The following SPHKAP variants were observed in gnomAD, a reference collection of about 807,000 sequenced individuals.
SPHKAP encodes A-kinase anchor protein SPHKAP.
A neutral mutation model predicts 137.5 loss-of-function variants in SPHKAP; 67 were observed. That is an observed-to-expected ratio of 0.49 (90% CI 0.40 to 0.60). The LOEUF (loss-of-function observed/expected upper bound fraction) is 0.60. Among genes scored for constraint, SPHKAP ranks in the 20% least tolerant of loss-of-function variants. The pLI is 0.00. For missense variants in SPHKAP, 2,097 were observed against 2,069.3 expected (o/e 1.01, Z -0.26); for synonymous variants, 813 against 785.3 (o/e 1.04, Z -0.59).
Position 228,019,500 on chromosome 2 carries a change from C to T in SPHKAP, c.1354G>A (p.Val452Ile), listed in dbSNP as rs200812632. The change falls in exon 7 of 12, where the codon GTT becomes ATT. Residue 452 changes from valine (V) to isoleucine (I), a missense_variant. Transcript: ENST00000392056. The part of the protein sequence containing the change: ...RSWNELPKIV[V>I]VQSPDGSDAA... ...TCACTGCCATCTGGACTCTGAACAACGACGATTTTGGGGAGCTCATTCCAT... is the reference window on the plus strand; with the variant it reads ...TCACTGCCATCTGGACTCTGAACAATGACGATTTTGGGGAGCTCATTCCAT... 9.7e-5 allele frequency: 156 copies of T among 1,614,134 alleles called. 1 individual carries two copies. The highest frequency in any genetic ancestry group is 8.9e-4 in the South Asian group (81 of 91,084).
At chr2:228,113,982 G>C (rs1379391236) in intron 2 of SPHKAP, among the ~76,000 whole-genome samples, 1 of 152,080 alleles carries the variant, frequency 6.6e-6, no homozygotes, top group Non-Finnish European at 1.5e-5. Flanking sequence ...AAATCATTAG[G>C]AAAAGAAGAA....
chr2:228,093,859 C>CAAAAAAAAAAAAAAAAAAAAAAA (rs11336381), intron 3 of SPHKAP, among the ~76,000 whole-genome samples: 1 of 77,110 alleles, frequency 1.3e-5, no homozygotes, highest in Non-Finnish European at 2.3e-5. Context: ...GACTCCGTTT[C>CAAAAAAAAAAAAAAAAAAAAAAA]AAAAAAAAAA....
At chr2:227,986,582 GT>G (rs1693220433) in intron 11 of SPHKAP, among the ~76,000 whole-genome samples, 1 of 152,092 alleles carries the variant, frequency 6.6e-6, no homozygotes, top group Admixed American at 6.6e-5. Flanking sequence ...AAAAAAATTT[GT>G]TAAAGTCAAT....
intron 1 of SPHKAP, among the ~76,000 whole-genome samples, chr2:228,153,943 C>T (rs1267615453): frequency 2.0e-5 from 3 of 152,000 alleles, no homozygotes; most frequent in Non-Finnish European, 4.4e-5. Context: ...ACAGAACTGG[C>T]CTATTGCCTG....
Position 227,981,798 on chromosome 2 carries a change from T to G in SPHKAP, c.5022A>C (p.Ala1674=). 1.9e-6 allele frequency: 3 copies of G among 1,613,886 alleles called. No homozygotes were observed. The highest frequency in any genetic ancestry group is 2.5e-6 in the Non-Finnish European group (3 of 1,179,834). Reference sequence around the variant, plus strand: ...CATGCATTTTGCAGTACTGGACAACTGCATGGAAGATATCACCCACTTTCC... The same window carrying G: ...CATGCATTTTGCAGTACTGGACAACGGCATGGAAGATATCACCCACTTTCC... The part of the protein sequence containing the change: ...KSWKVGDIFH[A]VVQYCKMHEE... Residue 1674 remains alanine (A), a synonymous_variant, in exon 12 of 12, where the codon GCA becomes GCC. Coordinates refer to ENST00000392056, the MANE Select transcript of SPHKAP (RefSeq NM_001142644.2).
intron 5 of SPHKAP, among the ~76,000 whole-genome samples, chr2:228,023,838 A>G (rs1006737420): frequency 2.2e-4 from 34 of 152,188 alleles, no homozygotes; most frequent in African/African-American, 8.0e-4. Context: ...AGCCTGGCCA[A>G]TCTGAATAAT....
At chr2:228,030,472 G>A (rs572152131) in intron 3 of SPHKAP, among the ~76,000 whole-genome samples, 41 of 122,194 alleles carry the variant, frequency 3.4e-4, no homozygotes, top group African/African-American at 1.1e-3. Context: ...CCAAGATAAC[G>A]CCACTGCACT....
chr2:228,025,932 C>A (rs557246936), intron 4 of SPHKAP: 1 of 903,380 alleles, frequency 1.1e-6, no homozygotes, highest in East Asian at 1.2e-4. Flanking sequence ...CAAATCTCAT[C>A]TTGTAGCTGC....
chr2:228,140,334 T>G (rs914663356), intron 1 of SPHKAP, among the ~76,000 whole-genome samples: 4 of 152,110 alleles, frequency 2.6e-5, no homozygotes, highest in Admixed American at 2.6e-4. Context: ...CGCATTCTGC[T>G]AAATCTAGAC....
At chr2:228,079,410 C>T (rs902266483) in intron 3 of SPHKAP, among the ~76,000 whole-genome samples, 9 of 152,140 alleles carry the variant, frequency 5.9e-5, no homozygotes, top group South Asian at 2.1e-4. Context: ...ACTAGGCTGG[C>T]GCCTATGGCC....
intron 3 of SPHKAP, among the ~76,000 whole-genome samples, chr2:228,030,508 C>A (rs1574772530): frequency 4.0e-5 from 3 of 75,528 alleles, no homozygotes; most frequent in Non-Finnish European, 2.5e-5. Context: ...AGCAAGATAC[C>A]ATCTCAAAAA....
At chr2:227,998,847 G>T (rs1008439174) in intron 7 of SPHKAP, among the ~76,000 whole-genome samples, 5 of 152,132 alleles carry the variant, frequency 3.3e-5, no homozygotes, top group Non-Finnish European at 5.9e-5. Flanking sequence ...ACATGGGTAT[G>T]CATATATTTC....
chr2:228,069,774 C>G (rs1696949546), intron 3 of SPHKAP, among the ~76,000 whole-genome samples: 1 of 152,080 alleles, frequency 6.6e-6, no homozygotes, highest in South Asian at 2.1e-4. Context: ...AAAATAGGAG[C>G]CACAAGAAGC....
Position 228,038,368 on chromosome 2 carries a change from A to AT in SPHKAP, c.247-10826dup, listed in dbSNP as rs565877450. 4.2e-3 allele frequency among the ~76,000 whole-genome samples: 634 copies of AT among 150,712 alleles called. 4 individuals carry two copies. The highest frequency in any genetic ancestry group is 0.027 in the Middle Eastern group (8 of 292). ...AGTGGGAAGCTGAAATAAAGTTTTTATTTTTTTTTGCAGGGGCAGTTAGGG... is the reference window on the plus strand; with the variant it reads ...AGTGGGAAGCTGAAATAAAGTTTTTATTTTTTTTTTGCAGGGGCAGTTAGGG... On this transcript the variant is annotated intron_variant, in intron 3 of 11. Transcript: ENST00000392056.
At chr2:228,090,350 G>A (rs1285274180) in intron 3 of SPHKAP, among the ~76,000 whole-genome samples, 2 of 152,192 alleles carry the variant, frequency 1.3e-5, no homozygotes, top group East Asian at 3.8e-4. Flanking sequence ...CCCAATGTCT[G>A]TACCTCCATT....
intron 7 of SPHKAP, among the ~76,000 whole-genome samples, chr2:228,007,463 C>G (rs1157055569): frequency 5.3e-5 from 8 of 152,050 alleles, no homozygotes; most frequent in African/African-American, 1.9e-4. Flanking sequence ...ATTTTCCTTT[C>G]TCTGTCCACC....
chr2:228,173,531 T>C (rs1367462668), intron 1 of SPHKAP, among the ~76,000 whole-genome samples: 1 of 152,106 alleles, frequency 6.6e-6, no homozygotes, highest in Non-Finnish European at 1.5e-5. Flanking sequence ...TCAGATGGTG[T>C]GATGGGAGAA....
intron 1 of SPHKAP, among the ~76,000 whole-genome samples, chr2:228,142,965 A>G (rs943711372): frequency 6.6e-6 from 1 of 152,188 alleles, no homozygotes; most frequent in Non-Finnish European, 1.5e-5. Context: ...GTGCATGCCT[A>G]TTAGTCAGCC....
intron 1 of SPHKAP, among the ~76,000 whole-genome samples, chr2:228,154,524 A>T: frequency 2.1e-5 from 1 of 48,222 alleles, no homozygotes; most frequent in Non-Finnish European, 4.0e-5. Context: ...ATATATATAT[A>T]TATATATATT....
Sources: allele counts gnomAD v4.1 joint callset (sites outside exome capture counted in the v4.1 genomes callset), GRCh38; gene constraint gnomAD v4.1.1; transcripts MANE v1.5; gene names NCBI Gene and HGNC (gene_info 2026-07-23, HGNC 2026-07-21).